SHISA9: variants seen among roughly 807,000 people sequenced by gnomAD.
SHISA9 encodes the protein shisa family member 9.
Under a neutral mutation model 38.0 loss-of-function variants are expected in SHISA9, and 13 were observed. The observed-to-expected ratio is 0.34, with a 90% CI of 0.22 to 0.54. SHISA9 has a LOEUF of 0.54. SHISA9 is among the 20% of genes least tolerant of loss of function. The pLI is 0.91. For synonymous variants in SHISA9, 275 were observed against 242.0 expected (o/e 1.14, Z -1.27); for missense variants, 538 against 575.8 (o/e 0.93, Z 0.67).
chr16:13,290,451 C>G, the SHISA9 span, among the ~76,000 whole-genome samples: 1 of 151,918 alleles, frequency 6.6e-6, no homozygotes, highest in South Asian at 2.1e-4. Flanking sequence ...AGGATGGAAG[C>G]TGATTTCAAA....
At chr16:13,440,197 A>G in the SHISA9 span, among the ~76,000 whole-genome samples, 1 of 152,196 alleles carries the variant, frequency 6.6e-6, no homozygotes, top group Non-Finnish European at 1.5e-5. Flanking sequence ...TGGAAGGTTC[A>G]TTCTGAATAC....
the SHISA9 span, among the ~76,000 whole-genome samples, chr16:13,372,922 T>C: frequency 2.1e-5 from 1 of 48,590 alleles, no homozygotes; most frequent in African/African-American, 7.9e-5. Context: ...ATAGATATAC[T>C]GTTTAGTGTA....
the SHISA9 span, among the ~76,000 whole-genome samples, chr16:13,447,756 C>G: frequency 6.6e-6 from 1 of 152,190 alleles, no homozygotes; most frequent in African/African-American, 2.4e-5. Context: ...TGCATACACA[C>G]AAAAAACTCT....
the SHISA9 span, among the ~76,000 whole-genome samples, chr16:13,287,268 G>T: frequency 1.3e-5 from 2 of 152,192 alleles, no homozygotes; most frequent in East Asian, 3.9e-4. Context: ...TAGGAGATGA[G>T]AATGTGTTCA....
the SHISA9 span, among the ~76,000 whole-genome samples, chr16:13,400,533 G>A: frequency 3.9e-5 from 6 of 152,190 alleles, no homozygotes; most frequent in South Asian, 6.2e-4. Context: ...TGTAAGCCAC[G>A]TCCAGACAAT....
chr16:13,121,194 A>G (rs1176303681), intron 2 of SHISA9, among the ~76,000 whole-genome samples: 2 of 151,986 alleles, frequency 1.3e-5, no homozygotes, highest in African/African-American at 4.8e-5. Flanking sequence ...AAATAAATAA[A>G]TAAAATAATC....
At chr16:13,308,941 ATAGT>A in the SHISA9 span, among the ~76,000 whole-genome samples, 1 of 152,222 alleles carries the variant, frequency 6.6e-6, no homozygotes, top group Admixed American at 6.5e-5. Context: ...TGGACAAAGA[ATAGT>A]TAGTTATGAA....
At chr16:13,457,247 A>G in the SHISA9 span, among the ~76,000 whole-genome samples, 2 of 152,230 alleles carry the variant, frequency 1.3e-5, no homozygotes, top group African/African-American at 4.8e-5. Flanking sequence ...CAGAGGTTGC[A>G]GTGAGCCAAG....
At chr16:13,327,753 T>C in the SHISA9 span, among the ~76,000 whole-genome samples, 1 of 151,806 alleles carries the variant, frequency 6.6e-6, no homozygotes, top group Non-Finnish European at 1.5e-5. Context: ...GCCTCCCGAG[T>C]TCAAGTGATT....
rs577833046 is a variant in SHISA9, at chr16:12,949,693, A to G, written c.691+32878A>G. Reference sequence around the variant, plus strand: ...TACTGGGTTAAATAAAACATATGACATATTAAAATTAAGTTCACTTATTTT... The same window carrying G: ...TACTGGGTTAAATAAAACATATGACGTATTAAAATTAAGTTCACTTATTTT... On this transcript the variant is annotated intron_variant, in intron 2 of 4. Transcript: ENST00000558583. 3.0e-3 allele frequency among the ~76,000 whole-genome samples: 463 copies of G among 152,350 alleles called. 2 individuals are homozygous for G. Among genetic ancestry groups the G allele is most frequent in the African/African-American group, 0.01 (433 of 41,582 alleles).
intron 2 of SHISA9, among the ~76,000 whole-genome samples, chr16:13,080,365 T>C (rs1463677275): frequency 6.6e-6 from 1 of 152,160 alleles, no homozygotes; most frequent in Admixed American, 6.5e-5. Flanking sequence ...AGAGTGAGAC[T>C]CCGTCTCAAA....
chr16:13,461,849 G>A, the SHISA9 span, among the ~76,000 whole-genome samples: 5 of 151,654 alleles, frequency 3.3e-5, no homozygotes, highest in African/African-American at 1.2e-4. Flanking sequence ...TCCTGACCTC[G>A]TGATCCGCCC....
intron 2 of SHISA9, among the ~76,000 whole-genome samples, chr16:13,069,093 T>C (rs2073473209): frequency 2.0e-5 from 3 of 150,878 alleles, no homozygotes; most frequent in African/African-American, 4.9e-5. Flanking sequence ...GCAATGTGTA[T>C]GTGTGTGTAT....
the SHISA9 span, among the ~76,000 whole-genome samples, chr16:13,444,462 A>C: frequency 6.6e-6 from 1 of 151,952 alleles, no homozygotes; most frequent in Non-Finnish European, 1.5e-5. Flanking sequence ...GAAGGAAGGA[A>C]GGAAGGAAAG....
chr16:13,229,260 G>A (rs1243046837), intron 4 of SHISA9, among the ~76,000 whole-genome samples: 1 of 152,234 alleles, frequency 6.6e-6, no homozygotes, highest in Admixed American at 6.5e-5. Flanking sequence ...GAACGCTAGT[G>A]AGTGAGACGG....
chr16:13,377,747 G>T, the SHISA9 span, among the ~76,000 whole-genome samples: 2 of 152,172 alleles, frequency 1.3e-5, no homozygotes, highest in African/African-American at 4.8e-5. Context: ...TTTATGCAAG[G>T]CCGGGTGCAG....
At chr16:13,376,653 G>A in the SHISA9 span, among the ~76,000 whole-genome samples, 2 of 152,140 alleles carry the variant, frequency 1.3e-5, no homozygotes, top group African/African-American at 4.8e-5. Flanking sequence ...GGGTGGAGCT[G>A]AAAGAACATC....
At chr16:12,997,370 T>C (rs975552052) in intron 2 of SHISA9, among the ~76,000 whole-genome samples, 8 of 151,982 alleles carry the variant, frequency 5.3e-5, no homozygotes, top group African/African-American at 1.9e-4. Flanking sequence ...TAGTCTCCTG[T>C]TGACGACATT....
chr16:13,142,955 G>C (rs1366548792), intron 2 of SHISA9, among the ~76,000 whole-genome samples: 1 of 143,270 alleles, frequency 7.0e-6, no homozygotes, highest in Non-Finnish European at 1.5e-5. Flanking sequence ...TTAGCATTCT[G>C]TAAGGGTGGA....
Sources: allele counts gnomAD v4.1 joint callset (sites outside exome capture counted in the v4.1 genomes callset), GRCh38; gene constraint gnomAD v4.1.1; transcripts MANE v1.5; gene names NCBI Gene and HGNC (gene_info 2026-07-23, HGNC 2026-07-21).